Variants in STAG1 observed in about 807,000 individuals in gnomAD.
STAG1 encodes STAG1 cohesin complex component.
A neutral mutation model predicts 170.9 loss-of-function variants in STAG1; 26 were observed. The ratio of observed to expected loss-of-function variants is 0.15; its 90% CI spans 0.11 to 0.21. The LOEUF (loss-of-function observed/expected upper bound fraction) is 0.21, where lower values mean the gene tolerates loss of function less well. Among genes scored for constraint, STAG1 ranks in the 10% least tolerant of loss-of-function variants. STAG1 has a pLI of 1.00. For missense variants in STAG1, 964 were observed against 1,509.5 expected, an observed-to-expected ratio of 0.64 and a Z score of 5.99; for synonymous variants, 514 against 497.7, an observed-to-expected ratio of 1.03 and a Z score of -0.44.
At chr3:136,442,991 A>C (rs1277429087) in intron 15 of STAG1, among the ~76,000 whole-genome samples, 1 of 152,218 alleles carries the variant, frequency 6.6e-6, no homozygotes, top group Non-Finnish European at 1.5e-5. Context: ...CCTGGGTGAC[A>C]GAGCAAGACC....
rs368383371 is a variant in STAG1 at position 136,562,663 on chromosome 3, T to C, written c.394+6102A>G. On this transcript the variant is annotated intron_variant, in intron 5 of 33. Coordinates refer to ENST00000383202, the MANE Select transcript of STAG1 (RefSeq NM_005862.3). ...AGTGCAATGGTGTGATCTTGGCTCATTGCAACCTCTGTCTCCTGGGTTCAA... is the reference window on the plus strand; with the variant it reads ...AGTGCAATGGTGTGATCTTGGCTCACTGCAACCTCTGTCTCCTGGGTTCAA... 6.5e-3 allele frequency among the ~76,000 whole-genome samples: 975 copies of C among 149,280 alleles called. 14 individuals carry two copies. Among genetic ancestry groups the C allele is most frequent in the African/African-American group, 0.022 (883 of 40,564 alleles).
chr3:136,617,312 G>A (rs905918882), intron 3 of STAG1, among the ~76,000 whole-genome samples: 2 of 152,160 alleles, frequency 1.3e-5, no homozygotes, highest in African/African-American at 4.8e-5. Context: ...GAGGTACAAG[G>A]GAGACATCTA....
At chr3:136,587,561 A>AAG (rs1937897255) in intron 4 of STAG1, among the ~76,000 whole-genome samples, 1 of 150,492 alleles carries the variant, frequency 6.6e-6, no homozygotes, top group Non-Finnish European at 1.5e-5. Flanking sequence ...AAAAAAAAAA[A>AAG]GCAATTTATA....
At chr3:136,727,244 G>A (rs896625161) in intron 1 of STAG1, among the ~76,000 whole-genome samples, 1 of 151,954 alleles carries the variant, frequency 6.6e-6, no homozygotes, top group African/African-American at 2.4e-5. Context: ...TAAGTAATAG[G>A]CGAGCTGGCA....
intron 12 of STAG1, 98 bp from the exon 13 acceptor site, chr3:136,465,086 C>G (rs750517709): frequency 1.3e-6 from 1 of 767,178 alleles, no homozygotes; most frequent in Non-Finnish European, 1.9e-6. Context: ...AAGCTCAAGA[C>G]TTAATAATTG....
intron 7 of STAG1, among the ~76,000 whole-genome samples, chr3:136,509,390 G>GAAA (rs531486231): frequency 8.5e-6 from 1 of 116,964 alleles, no homozygotes; most frequent in Admixed American, 9.0e-5. Context: ...GGACCACTTG[G>GAAA]AAAAAAAAAA....
chr3:136,738,784 AT>A (rs1479542462), intron 1 of STAG1, among the ~76,000 whole-genome samples: 1 of 152,214 alleles, frequency 6.6e-6, no homozygotes, highest in South Asian at 2.1e-4. Context: ...CTGAGAACAG[AT>A]TTTAAGTGTT....
At position 136,704,821 on chromosome 3, in the gene STAG1, C is replaced by CAA. The variant is rs67207510; in HGVS notation, c.-84+47372_-84+47373dup. ...CTGGGTGAAGAGTGAGTCCCTGTCT[C>CAA]AAAAAAAAAAAAAAAAAAAAAAAAA... On this transcript the variant is annotated intron_variant, in intron 1 of 33. Transcript: ENST00000383202. Among the ~76,000 whole-genome samples the CAA allele has an allele frequency of 6.3e-3, 320 of 51,062 alleles. 2 individuals are homozygous for CAA. The highest frequency in any genetic ancestry group is 0.013 in the East Asian group (16 of 1,186). 33.5% of individuals were successfully genotyped at this position (51,062 alleles called of 152,430 possible). A position where few individuals can be genotyped will look rare whatever the true frequency, so the allele number is the denominator to read the frequency against.
chr3:136,642,870 C>T (rs1254442766), intron 1 of STAG1, among the ~76,000 whole-genome samples: 2 of 152,250 alleles, frequency 1.3e-5, no homozygotes, highest in Non-Finnish European at 2.9e-5. Context: ...TTCTGGTAAC[C>T]CCAGATGTTC....
intron 1 of STAG1, among the ~76,000 whole-genome samples, chr3:136,723,803 C>T (rs1327054309): frequency 7.2e-6 from 1 of 138,798 alleles, no homozygotes; most frequent in Non-Finnish European, 1.6e-5. Context: ...GCCCCCCGCC[C>T]GGCCAGCCGC....
At chr3:136,435,002 G>A (rs988119455) in intron 15 of STAG1, among the ~76,000 whole-genome samples, 6 of 151,932 alleles carry the variant, frequency 3.9e-5, no homozygotes, top group African/African-American at 1.5e-4. Context: ...CATGGTTCAG[G>A]CATTTTTGGA....
In STAG1 at chr3:136,466,761, G is replaced by A. The variant is rs192266605; in HGVS notation, c.1206-1773C>T. On this transcript the variant is annotated intron_variant, in intron 12 of 33. Transcript: ENST00000383202. ...TTAAGGGCAGCCAGAGAGAAAGGTC[G>A]GGTTACCCACAAAGGGAAGCCCATC... 7.0e-3 allele frequency among the ~76,000 whole-genome samples: 1,071 copies of A among 152,162 alleles called. 14 individuals are homozygous for A. Among genetic ancestry groups the A allele is most frequent in the African/African-American group, 0.023 (962 of 41,502 alleles).
intron 19 of STAG1, 95 bp downstream of exon 19, chr3:136,422,315 A>T: frequency 1.7e-6 from 2 of 1,190,286 alleles, no homozygotes; most frequent in Non-Finnish European, 2.4e-6. Context: ...ATTCTACTCA[A>T]TTTCATTTTA....
intron 29 of STAG1, among the ~76,000 whole-genome samples, chr3:136,348,016 A>G (rs1936297916): frequency 6.6e-6 from 1 of 152,232 alleles, no homozygotes; most frequent in Non-Finnish European, 1.5e-5. Context: ...AATGAAAAGA[A>G]TCATTAGATT....
rs183456797 is a variant in STAG1, at chr3:136,346,341, T to C, written c.3272-2335A>G. Among the ~76,000 whole-genome samples the C allele has an allele frequency of 2.5e-3, 375 of 152,370 alleles. 2 individuals are homozygous for C. Among genetic ancestry groups the C allele is most frequent in the African/African-American group, 8.4e-3 (348 of 41,580 alleles). ...CATCTTAAATAGAAATAGATACTTC[T>C]AATCCTTTAAAGATTCCTCAATGAA... On this transcript the variant is annotated intron_variant, in intron 29 of 33. Coordinates refer to ENST00000383202, the MANE Select transcript of STAG1 (RefSeq NM_005862.3).
At chr3:136,629,620 C>T (rs758966797) in intron 2 of STAG1, among the ~76,000 whole-genome samples, 2 of 151,472 alleles carry the variant, frequency 1.3e-5, no homozygotes, top group Admixed American at 6.6e-5. Context: ...GTTTTTCAAG[C>T]GGTTTAAAGA....
chr3:136,432,513 T>G (rs1190882437), intron 16 of STAG1, among the ~76,000 whole-genome samples: 8 of 36,940 alleles, frequency 2.2e-4, no homozygotes, highest in African/African-American at 6.8e-4. Context: ...TTCTTTTTTT[T>G]TGGGGGGGGG....
chr3:136,449,778 G>A (rs1054245397), intron 14 of STAG1, among the ~76,000 whole-genome samples: 1 of 151,916 alleles, frequency 6.6e-6, no homozygotes, highest in Non-Finnish European at 1.5e-5. Flanking sequence ...AAGCCCTTGA[G>A]CTTTCAGAGA....
intron 22 of STAG1, among the ~76,000 whole-genome samples, chr3:136,394,172 C>T (rs1024592584): frequency 1.3e-5 from 2 of 152,162 alleles, no homozygotes; most frequent in Admixed American, 1.3e-4. Flanking sequence ...TCCCAAAGTG[C>T]TGGAATTACA....
Sources: allele counts gnomAD v4.1 joint callset (sites outside exome capture counted in the v4.1 genomes callset), GRCh38; gene constraint gnomAD v4.1.1; transcripts MANE v1.5; gene names NCBI Gene and HGNC (gene_info 2026-07-23, HGNC 2026-07-21).